CD101: variants seen among roughly 807,000 people sequenced by gnomAD.
CD101 encodes immunoglobulin superfamily member 2.
Under a neutral mutation model 98.2 loss-of-function variants are expected in CD101, and 76 were observed. The ratio of observed to expected loss-of-function variants is 0.77; its 90% confidence interval spans 0.64 to 0.94. The LOEUF (loss-of-function observed/expected upper bound fraction) is 0.94. CD101 is among the 40% of genes least tolerant of loss of function. CD101 has a pLI of 0.00. For missense variants in CD101, 1,145 were observed against 1,218.8 expected (o/e 0.94, Z 0.90); for synonymous variants, 471 against 472.7 (o/e 1.00, Z 0.05).
At chr1:117,009,481 C>G (rs931440441) in intron 1 of CD101, among the ~76,000 whole-genome samples, 3 of 152,224 alleles carry the variant, frequency 2.0e-5, no homozygotes, top group Admixed American at 6.5e-5. Context: ...GAATTTGAGA[C>G]TTGAGGAAGT....
Position 117,021,009 on chromosome 1 carries a change from A to G in CD101, c.2018-564A>G, listed in dbSNP as rs989345797. On this transcript the variant is annotated intron_variant, in intron 6 of 9. Coordinates refer to ENST00000682167, the MANE Select transcript of CD101 (RefSeq NM_001256106.3). This position sits in a 1 kb window ranked among gnomAD's most constrained non-coding sequence, Gnocchi z 4.7. ...TATACAATGTTCCCACAGTTAAGTG[A>G]CTGCAAAGACACACACAGTTTTAAT... Among the ~76,000 whole-genome samples the G allele has an allele frequency of 6.6e-6, 1 of 152,222 alleles. No individual in the cohort carries two copies. Among genetic ancestry groups the G allele is most frequent in the African/African-American group, 2.4e-5 (1 of 41,446 alleles).
chr1:117,021,632 A>C lies in CD101; in HGVS notation c.2077A>C (p.Thr693Pro), dbSNP rs769195786. Residue 693 changes from threonine (T) to proline (P), a missense_variant, in exon 7 of 10, where the codon ACT becomes CCT. By Grantham distance (38) the Thr-to-Pro change is conservative. Coordinates refer to ENST00000682167, the MANE Select transcript of CD101 (RefSeq NM_001256106.3). The surrounding 1 kb of genome is among the most constrained non-coding windows in gnomAD (Gnocchi z 4.7). ...CCAAGAGCTCTCCATCAACTCCAACACTGATATAGAATGTAGCATCTTGTC... is the reference window on the plus strand; with the variant it reads ...CCAAGAGCTCTCCATCAACTCCAACCCTGATATAGAATGTAGCATCTTGTC... Reference protein sequence around the residue: ...QVQELSINSNTDIECSILSRS... With the variant: ...QVQELSINSNPDIECSILSRS... 3 of 1,612,522 alleles carry C rather than the reference A, an allele frequency of 1.9e-6. No homozygotes were observed. The highest frequency in any genetic ancestry group is 2.5e-6 in the Non-Finnish European group (3 of 1,179,468).
At position 117,021,752 on chromosome 1, in the gene CD101, A is replaced by G; in HGVS notation, c.2197A>G (p.Thr733Ala). ...SWLKILEMDQ[T>A]NVIKTGDEFH... ...GCTAAAGATCCTGGAGATGGACCAA[A>G]CCAATGTTATAAAAACTGGGGATGA... The change falls in exon 7 of 10, where the codon ACC becomes GCC. Residue 733 changes from threonine (T) to alanine (A), a missense_variant. By Grantham distance (58) the Thr-to-Ala change is moderately conservative. Transcript: ENST00000682167. The surrounding 1 kb of genome is among the most constrained non-coding windows in gnomAD (Gnocchi z 4.7). The G allele has an allele frequency of 1.2e-6, 2 of 1,614,086 alleles. No homozygotes were observed. The highest frequency in any genetic ancestry group is 1.7e-6 in the Non-Finnish European group (2 of 1,179,984).
At chr1:117,007,500 C>T (rs994126514) in intron 1 of CD101, among the ~76,000 whole-genome samples, 5 of 152,090 alleles carry the variant, frequency 3.3e-5, no homozygotes, top group African/African-American at 1.2e-4. Context: ...GGCACCTTGC[C>T]ACCATGCCTG....
At position 117,021,761 on chromosome 1, in the gene CD101, A is replaced by G. The variant is rs1294472449; in HGVS notation, c.2206A>G (p.Ile736Val). 5 of 1,613,922 alleles carry G rather than the reference A, an allele frequency of 3.1e-6. No homozygotes were observed. The Admixed American group carries it at 6.7e-5, about 22-fold the overall frequency. ...CCTGGAGATGGACCAAACCAATGTT[A>G]TAAAAACTGGGGATGAGTTTCACAC... is the stretch of plus-strand genomic sequence containing the variant. ...KILEMDQTNV[I>V]KTGDEFHTPQ... Residue 736 changes from isoleucine (I) to valine (V), a missense_variant, in exon 7 of 10, where the codon ATA (isoleucine) becomes GTA (valine). By Grantham distance (29) the Ile-to-Val change is conservative. Transcript: ENST00000682167. This position sits in a 1 kb window ranked among gnomAD's most constrained non-coding sequence, Gnocchi z 4.7.
intron 8 of CD101, among the ~76,000 whole-genome samples, chr1:117,027,331 G>A (rs952162662): frequency 1.3e-5 from 2 of 152,080 alleles, no homozygotes; most frequent in African/African-American, 2.4e-5. Context: ...TGTTCCCACC[G>A]AGCTTGGAAT....
intron 3 of CD101, 59 bp from the exon 4 acceptor site, chr1:117,013,347 G>T: frequency 6.6e-7 from 1 of 1,523,034 alleles, no homozygotes. Flanking sequence ...TCTCTCTCTG[G>T]TACTGAAAGG....
intron 1 of CD101, 80 bp downstream of exon 1, chr1:117,001,940 T>G: frequency 7.2e-7 from 1 of 1,387,486 alleles, no homozygotes. Flanking sequence ...ACAGGACAAT[T>G]TGGTCTCTAC....
At chr1:117,029,990 G>T (rs778014946) in intron 8 of CD101, among the ~76,000 whole-genome samples, 8 of 152,192 alleles carry the variant, frequency 5.3e-5, no homozygotes, top group Admixed American at 1.3e-4. Context: ...TTATTCTAGA[G>T]AATTGTCTGT....
rs561677394 is a variant in CD101 at position 117,012,803 on chromosome 1, G to T, written c.842-603G>T. 2.0e-5 allele frequency among the ~76,000 whole-genome samples: 3 copies of T among 152,242 alleles called. No individual in the cohort carries two copies. In the South Asian group the frequency reaches 6.2e-4, roughly 32 times the overall value. On this transcript the variant is annotated intron_variant, in intron 3 of 9. Transcript: ENST00000682167. The surrounding 1 kb of genome is among the most constrained non-coding windows in gnomAD (Gnocchi z 4.0). ...GTCTCTATAGGCTTTTGTCCAACAG[G>T]AAGTGGTTGCTAAACCATATACTGT...
rs1176326859 is a variant in CD101 at position 117,021,687 on chromosome 1, T to C, written c.2132T>C (p.Ile711Thr). The C allele has an allele frequency of 6.2e-7, 1 of 1,614,194 alleles. No homozygotes were observed. Among genetic ancestry groups the C allele is most frequent in the East Asian group, 2.2e-5 (1 of 44,872 alleles). The change falls in exon 7 of 10, where the codon ATT becomes ACT. Residue 711 changes from isoleucine (I) to threonine (T), a missense_variant. Coordinates refer to ENST00000682167, the MANE Select transcript of CD101 (RefSeq NM_001256106.3). This position sits in a 1 kb window ranked among gnomAD's most constrained non-coding sequence, Gnocchi z 4.7. ...SRSNGNLQLA[I>T]IWYFSPVSTN... The stretch of plus-strand genomic sequence containing the variant: ...TCCAATGGAAACCTTCAGTTAGCCA[T>C]TATTTGGTATTTTTCTCCTGTTTCC...
chr1:117,035,281 G>A lies in CD101; in HGVS notation c.*34-887G>A, dbSNP rs560970120. On this transcript the variant is annotated intron_variant, in intron 9 of 9. Transcript: ENST00000682167. ...GACCAACCGAGTTGCTTTAACACTCGTTAATTTGCATTTCCAAGGAGAGCA... is the reference window on the plus strand; with the variant it reads ...GACCAACCGAGTTGCTTTAACACTCATTAATTTGCATTTCCAAGGAGAGCA... 1.6e-4 allele frequency among the ~76,000 whole-genome samples: 25 copies of A among 152,260 alleles called. No individual in the cohort carries two copies. The South Asian group carries it at 3.5e-3, about 21-fold the overall frequency.
Position 117,033,190 on chromosome 1 carries a change from G to A in CD101, c.2825-670G>A, listed in dbSNP as rs1321816044. 2 of 153,102 alleles carry A rather than the reference G, an allele frequency of 1.3e-5. No homozygotes were observed. Among genetic ancestry groups the A allele is most frequent in the African/African-American group, 4.8e-5 (2 of 41,444 alleles). 9.5% of individuals were successfully genotyped at this position (153,102 alleles called of 1,614,324 possible). A position where few individuals can be genotyped will look rare whatever the true frequency, so the allele number is the denominator to read the frequency against. On this transcript the variant is annotated intron_variant, in intron 8 of 9. Transcript: ENST00000682167. The surrounding 1 kb of genome is among the most constrained non-coding windows in gnomAD (Gnocchi z 4.8). ...AAGGTAGGAAGAGCTGAGAGAGTAG[G>A]AAGTGTGATGGAGCTAGGCCAGAAG...
chr1:117,014,505 G>A (rs1264148862), intron 4 of CD101, among the ~76,000 whole-genome samples: 2 of 152,108 alleles, frequency 1.3e-5, no homozygotes, highest in Non-Finnish European at 2.9e-5. Context: ...CTGCATGCAC[G>A]GAACTGAGGA....
chr1:117,018,148 C>T lies in CD101; in HGVS notation c.1613-8C>T. ...ATATTAGAAATTCTGTTTCATTTTTCTGTCTAGAGTCAAGTTTACAAGTTA... is the reference window on the plus strand; with the variant it reads ...ATATTAGAAATTCTGTTTCATTTTTTTGTCTAGAGTCAAGTTTACAAGTTA... On this transcript the variant is annotated splice_region_variant and splice_polypyrimidine_tract_variant and intron_variant, in intron 5 of 9. Transcript: ENST00000682167. The surrounding 1 kb of genome is among the most constrained non-coding windows in gnomAD (Gnocchi z 4.3). 1 of 1,552,916 alleles carries T rather than the reference C, an allele frequency of 6.4e-7. No individual in the cohort carries two copies. Among genetic ancestry groups the T allele is most frequent in the Admixed American group, 2.1e-5 (1 of 47,522 alleles).
chr1:117,012,026 G>A lies in CD101; in HGVS notation c.841+60G>A. ...AGTATTAGGTAGTGGGTATTTATGA[G>A]GTATGTTTTAATTTTTGTTCTAATC... On this transcript the variant is annotated intron_variant, in intron 3 of 9. Coordinates refer to ENST00000682167, the MANE Select transcript of CD101 (RefSeq NM_001256106.3). This position sits in a 1 kb window ranked among gnomAD's most constrained non-coding sequence, Gnocchi z 4.0. 7.1e-7 allele frequency: 1 copy of A among 1,404,138 alleles called. No homozygotes were observed. Among genetic ancestry groups the A allele is most frequent in the Non-Finnish European group, 9.7e-7 (1 of 1,033,046 alleles). The allele number at this position is 1,404,138 out of a possible 1,614,324, so 87.0% of individuals were successfully genotyped here.
At chr1:117,034,882 C>G (rs1471755352) in intron 9 of CD101, among the ~76,000 whole-genome samples, 1 of 152,178 alleles carries the variant, frequency 6.6e-6, no homozygotes, top group African/African-American at 2.4e-5. Flanking sequence ...ATATCCCCAC[C>G]AAAAGGTCCA....
At chr1:117,017,707 C>T (rs548216149) in intron 5 of CD101, among the ~76,000 whole-genome samples, 1 of 152,294 alleles carries the variant, frequency 6.6e-6, no homozygotes, top group Admixed American at 6.5e-5. Flanking sequence ...AAACAAAATC[C>T]TATGGATCAG....
chr1:117,013,855 G>T, intron 4 of CD101, 63 bp downstream of exon 4: 1 of 1,482,642 alleles, frequency 6.7e-7, no homozygotes, highest in Non-Finnish European at 9.0e-7. Flanking sequence ...GTCAGTGGAA[G>T]ACCCCTTCGT....
Sources: allele counts gnomAD v4.1 joint callset (sites outside exome capture counted in the v4.1 genomes callset), GRCh38; gene constraint gnomAD v4.1.1; non-coding constraint Gnocchi (gnomAD v3.1); transcripts MANE v1.5; gene names NCBI Gene and HGNC (gene_info 2026-07-23, HGNC 2026-07-21).